Variants in CYTH2 observed in about 807,000 individuals in gnomAD.
CYTH2 encodes cytohesin-2.
CYTH2 carries 24 observed loss-of-function variants against 55.4 expected under a neutral mutation model. That is an observed-to-expected ratio of 0.43 (90% CI 0.31 to 0.61). CYTH2 has a LOEUF of 0.61. CYTH2 is among the 20% of genes least tolerant of loss of function. CYTH2 has a pLI of 0.08. For missense variants in CYTH2, 378 were observed against 533.5 expected, an observed-to-expected ratio of 0.71 and a Z score of 2.87; for synonymous variants, 221 against 209.6, an observed-to-expected ratio of 1.05 and a Z score of -0.47.
chr19:48,472,214 C>T, intron 3 of CYTH2, 111 bp from the exon 4 acceptor site: 2 of 900,978 alleles, frequency 2.2e-6, no homozygotes, highest in Non-Finnish European at 3.5e-6. Context: ...AAAATGAAAC[C>T]TGGCCCTGGT....
Position 48,470,467 on chromosome 19 carries a change from GC to G in CYTH2, c.135del (p.Ser45ArgfsTer62). On this transcript the variant is annotated frameshift_variant, in exon 2 of 12. Transcript: ENST00000452733. LOFTEE classifies it high-confidence loss of function. ...RLREELSEAM[S>X]EVEGLEANEG... is the part of the protein sequence containing the mutation. ...CGGGAGGAGCTCAGTGAAGCCATGA[GC>G]GAGGTGGAGGGGCTGGAGGCCAATG... is the stretch of plus-strand genomic sequence containing the variant. 1 of 1,614,150 alleles carries G rather than the reference GC, an allele frequency of 6.2e-7. No individual in the cohort carries two copies. Among genetic ancestry groups the G allele is most frequent in the Non-Finnish European group, 8.5e-7 (1 of 1,180,000 alleles).
In CYTH2 at chr19:48,478,071, G is replaced by A. The variant is rs1236427436; in HGVS notation, c.811G>A (p.Gly271Ser). The change falls in exon 9 of 12, where the codon GGC (glycine) becomes AGC (serine). Residue 271 changes from glycine (G) to serine (S), a missense_variant and splice_region_variant. By Grantham distance (56) the Gly-to-Ser change is moderately conservative. Coordinates refer to ENST00000452733, the MANE Select transcript of CYTH2 (RefSeq NM_004228.7). The stretch of plus-strand genomic sequence containing the variant: ...CCCTCCCACCCCTTCCCTTTCAGGG[G>A]GCCGGGTGAAGACGTGGAAGCGGCG... ...DREGWLLKLG[G>S]RVKTWKRRWF... 1.9e-6 allele frequency: 3 copies of A among 1,614,026 alleles called. No homozygotes were observed. The highest frequency in any genetic ancestry group is 1.3e-5 in the African/African-American group (1 of 75,060).
In CYTH2 at chr19:48,474,388, G is replaced by A. The variant is rs1446754413; in HGVS notation, c.696+58G>A. 8 of 1,313,334 alleles carry A rather than the reference G, an allele frequency of 6.1e-6. No homozygotes were observed. The South Asian group carries it at 6.5e-5, about 11-fold the overall frequency. 81.4% of individuals were successfully genotyped at this position (1,313,334 alleles called of 1,614,324 possible). On this transcript the variant is annotated intron_variant, in intron 7 of 11. Transcript: ENST00000452733. This position sits in a 1 kb window ranked among gnomAD's most constrained non-coding sequence, Gnocchi z 4.9. ...CCCTCTTCCTGCCACAGACACCCCC[G>A]CCCCACCTGTGGTCTCCTAGTGCCC...
At position 48,469,717 on chromosome 19, in the gene CYTH2, T is replaced by G. The variant is rs1971744923; in HGVS notation, c.19+191T>G. The G allele has an allele frequency of 1.0e-5, 9 of 870,620 alleles. No individual in the cohort carries two copies. The South Asian group carries it at 1.5e-4, about 15-fold the overall frequency. The allele number at this position is 870,620 out of a possible 1,614,324, so 53.9% of individuals were successfully genotyped here. On this transcript the variant is annotated intron_variant, in intron 1 of 11. Transcript: ENST00000452733. ...CCGAAAGCCGGGCGTTCCAGGCCAT[T>G]GTTTGGGCTGAGCCTGTTTCCGGTG...
rs1972009420 is a variant in CYTH2 at position 48,479,460 on chromosome 19, C to T, written c.*250C>T. 3.9e-6 allele frequency: 2 copies of T among 510,008 alleles called. No individual in the cohort carries two copies. The highest frequency in any genetic ancestry group is 1.9e-5 in the African/African-American group (1 of 51,784). The allele number at this position is 510,008 out of a possible 1,614,324, so 31.6% of individuals were successfully genotyped here. A position where few individuals can be genotyped will look rare whatever the true frequency, so the allele number is the denominator to read the frequency against. On this transcript the variant is annotated 3_prime_UTR_variant, in exon 12 of 12. Coordinates refer to ENST00000452733, the MANE Select transcript of CYTH2 (RefSeq NM_004228.7). ...CGTGGAGCCAGCCTGTTTCCCTGGA[C>T]AGGGGCCTGGACCCGCCTGTCTCTG...
In CYTH2 at chr19:48,480,734, C is replaced by T. The variant is rs919987925; in HGVS notation, c.*1524C>T. On this transcript the variant is annotated 3_prime_UTR_variant, in exon 12 of 12. Transcript: ENST00000452733. ...CCAAATGAGAAAATAGAATTCCCCA[C>T]TTCTCTTTCCCACAGGTGCCAGGGA... 1.4e-4 allele frequency: 21 copies of T among 152,254 alleles called. No individual in the cohort carries two copies. Among genetic ancestry groups the T allele is most frequent in the African/African-American group, 5.1e-4 (21 of 41,460 alleles). 9.4% of individuals were successfully genotyped at this position (152,254 alleles called of 1,614,324 possible). A position where few individuals can be genotyped will look rare whatever the true frequency, so the allele number is the denominator to read the frequency against.
chr19:48,471,166 T>TTGTGTG (rs372484993), intron 3 of CYTH2, among the ~76,000 whole-genome samples: 2 of 150,538 alleles, frequency 1.3e-5, no homozygotes, highest in African/African-American at 5.0e-5. Flanking sequence ...CACCTACTCT[T>TTGTGTG]TGTGTGTGTG....
Position 48,469,443 on chromosome 19 carries a change from C to G in CYTH2, c.-65C>G. 1 of 1,320,410 alleles carries G rather than the reference C, an allele frequency of 7.6e-7. No homozygotes were observed. The highest frequency in any genetic ancestry group is 9.7e-7 in the Non-Finnish European group (1 of 1,026,472). 81.8% of individuals were successfully genotyped at this position (1,320,410 alleles called of 1,614,324 possible). ...GAGCGGGCTCACCCGAGCCCGCGGG[C>G]CAACGCGGATCCAGGCCCGACTGGC... is the stretch of plus-strand genomic sequence containing the variant. On this transcript the variant is annotated 5_prime_UTR_variant, in exon 1 of 12. Coordinates refer to ENST00000452733, the MANE Select transcript of CYTH2 (RefSeq NM_004228.7).
rs141339451 is a variant in CYTH2 at position 48,478,653 on chromosome 19, T to C, written c.1112+61T>C. The stretch of plus-strand genomic sequence containing the variant: ...CTGGGGCCTGGACTCCTGGGTCTGA[T>C]GGAGGAGGGGCAGGGGCCTGGATGC... On this transcript the variant is annotated intron_variant, in intron 11 of 11. Coordinates refer to ENST00000452733, the MANE Select transcript of CYTH2 (RefSeq NM_004228.7). 8.8e-3 allele frequency: 11,347 copies of C among 1,283,978 alleles called. 352 individuals are homozygous for C. Among genetic ancestry groups the C allele is most frequent in the African/African-American group, 0.056 (2,671 of 47,968 alleles). 79.5% of individuals were successfully genotyped at this position (1,283,978 alleles called of 1,614,324 possible).
intron 8 of CYTH2, chr19:48,475,608 T>G (rs1394048854): frequency 1.3e-5 from 2 of 157,836 alleles, no homozygotes; most frequent in African/African-American, 4.8e-5. Flanking sequence ...TCGGTTAGCA[T>G]GGATCAGACA....
At position 48,470,480 on chromosome 19, in the gene CYTH2, G is replaced by T; in HGVS notation, c.147G>T (p.Gly49=). ...ELSEAMSEVE[G]LEANEGSKTL... ...GTGAAGCCATGAGCGAGGTGGAGGG[G>T]CTGGAGGCCAATGAGGGCAGGTGAG... Residue 49 remains glycine, a synonymous_variant, in exon 2 of 12, where the codon GGG becomes GGT. Transcript: ENST00000452733. 6.2e-7 allele frequency: 1 copy of T among 1,614,016 alleles called. No homozygotes were observed. Among genetic ancestry groups the T allele is most frequent in the Non-Finnish European group, 8.5e-7 (1 of 1,179,906 alleles).
chr19:48,476,903 C>T (rs943725061), intron 8 of CYTH2: 5 of 152,224 alleles, frequency 3.3e-5, no homozygotes, highest in African/African-American at 1.2e-4. Context: ...AAAAACTGCT[C>T]CTGTGAGCAG....
intron 5 of CYTH2, 160 bp downstream of exon 5, chr19:48,473,538 T>C (rs1015929250): frequency 1.1e-5 from 8 of 703,916 alleles, no homozygotes; most frequent in Non-Finnish European, 1.9e-5. Context: ...TTCAGGGTTA[T>C]GGCCTCCTTC....
At position 48,481,553 on chromosome 19, in the gene CYTH2, C is replaced by T. The variant is rs145919487; in HGVS notation, c.*2343C>T. ...TTTGAGAGGGAGTCTCACTTTGTGC[C>T]CTAGACTGGAGTGCAATGGCGCCAT... On this transcript the variant is annotated 3_prime_UTR_variant, in exon 12 of 12. Transcript: ENST00000452733. 1.6e-4 allele frequency: 28 copies of T among 173,276 alleles called. No homozygotes were observed. The East Asian group carries it at 4.7e-3, about 29-fold the overall frequency. 10.7% of individuals were successfully genotyped at this position (173,276 alleles called of 1,614,324 possible). A position where few individuals can be genotyped will look rare whatever the true frequency, so the allele number is the denominator to read the frequency against.
In CYTH2 at chr19:48,474,184, A is replaced by G. The variant is rs751866749; in HGVS notation, c.550A>G (p.Thr184Ala). 3 of 1,593,440 alleles carry G rather than the reference A, an allele frequency of 1.9e-6. No homozygotes were observed. The highest frequency in any genetic ancestry group is 2.6e-6 in the Non-Finnish European group (3 of 1,169,154). The change falls in exon 7 of 12, where the codon ACG becomes GCG. Residue 184 changes from threonine to alanine, a missense_variant and splice_region_variant. By Grantham distance (58) the Thr-to-Ala change is moderately conservative. Coordinates refer to ENST00000452733, the MANE Select transcript of CYTH2 (RefSeq NM_004228.7). This position sits in a 1 kb window ranked among gnomAD's most constrained non-coding sequence, Gnocchi z 4.9. ...CNPGVFQSTD[T>A]CYVLSFAVIM... The stretch of plus-strand genomic sequence containing the variant: ...ACCACCTGCCCTGTCCGGTGCAGAC[A>G]CGTGCTATGTGCTGTCCTTCGCCGT...
chr19:48,478,847 G>T lies in CYTH2; in HGVS notation c.1112+255G>T, dbSNP rs1465784352. On this transcript the variant is annotated intron_variant, in intron 11 of 11. Coordinates refer to ENST00000452733, the MANE Select transcript of CYTH2 (RefSeq NM_004228.7). The stretch of plus-strand genomic sequence containing the variant: ...CCCTGGGTCTGACGGAGGAGGGGCC[G>T]GGGGCCTGGACTCCTGGGTCTGACG... 1.8e-4 allele frequency among the ~76,000 whole-genome samples: 26 copies of T among 145,646 alleles called. 1 individual carries two copies. Among genetic ancestry groups the T allele is most frequent in the African/African-American group, 5.6e-4 (22 of 38,994 alleles).
chr19:48,479,219 C>T lies in CYTH2; in HGVS notation c.*9C>T. 1 of 1,613,918 alleles carries T rather than the reference C, an allele frequency of 6.2e-7. No individual in the cohort carries two copies. The highest frequency in any genetic ancestry group is 8.5e-7 in the Non-Finnish European group (1 of 1,179,890). On this transcript the variant is annotated 3_prime_UTR_variant, in exon 12 of 12. Transcript: ENST00000452733. The stretch of plus-strand genomic sequence containing the variant: ...AGCAGGAGCAGCCCTGACCCCCTGC[C>T]CCCAACTCCATTATTTATTACGGAG...
At position 48,479,239 on chromosome 19, in the gene CYTH2, A is replaced by T; in HGVS notation, c.*29A>T. On this transcript the variant is annotated 3_prime_UTR_variant, in exon 12 of 12. Coordinates refer to ENST00000452733, the MANE Select transcript of CYTH2 (RefSeq NM_004228.7). ...CCTGCCCCCAACTCCATTATTTATT[A>T]CGGAGCTGCCCCGCCTGGGTGGCCG... is the stretch of plus-strand genomic sequence containing the variant. 1 of 1,612,016 alleles carries T rather than the reference A, an allele frequency of 6.2e-7. No individual in the cohort carries two copies. Among genetic ancestry groups the T allele is most frequent in the Non-Finnish European group, 8.5e-7 (1 of 1,178,468 alleles).
At position 48,469,517 on chromosome 19, in the gene CYTH2, G is replaced by A; in HGVS notation, c.10G>A (p.Gly4Ser). 1.5e-6 allele frequency: 2 copies of A among 1,326,918 alleles called. No homozygotes were observed. The highest frequency in any genetic ancestry group is 2.1e-5 in the South Asian group (1 of 48,580). 82.2% of individuals were successfully genotyped at this position (1,326,918 alleles called of 1,614,324 possible). A position where few individuals can be genotyped will look rare whatever the true frequency, so the allele number is the denominator to read the frequency against. The change falls in exon 1 of 12, where the codon GGC (glycine) becomes AGC (serine). Residue 4 changes from glycine to serine, a missense_variant. Gly to Ser is a moderately conservative substitution (Grantham distance 56). Coordinates refer to ENST00000452733, the MANE Select transcript of CYTH2 (RefSeq NM_004228.7). MEDGVYEPPDLTPE... is the reference protein window; with the variant it reads MEDSVYEPPDLTPE... ...GGCCTTCCTAGCCGCCATGGAGGAC[G>A]GCGTCTATGGTAGGTCGGGGAGGGG...
Sources: allele counts gnomAD v4.1 joint callset (sites outside exome capture counted in the v4.1 genomes callset), GRCh38; gene constraint gnomAD v4.1.1; non-coding constraint Gnocchi (gnomAD v3.1); transcripts MANE v1.5; gene names NCBI Gene and HGNC (gene_info 2026-07-23, HGNC 2026-07-21).